MRPS28: variants seen among roughly 807,000 people sequenced by gnomAD.
MRPS28 encodes small ribosomal subunit protein bS1m.
MRPS28 carries 7 observed loss-of-function variants against 10.8 expected under a neutral mutation model. The observed-to-expected ratio is 0.65, with a 90% CI of 0.37 to 1.22. MRPS28 has a LOEUF of 1.22. Among genes scored for constraint, MRPS28 ranks in the 50% most tolerant of loss-of-function variants. MRPS28 has a pLI of 0.02. For synonymous variants in MRPS28, 121 were observed against 93.3 expected (o/e 1.30, Z -1.71); for missense variants, 265 against 232.9 (o/e 1.14, Z -0.90).
intron 2 of MRPS28, among the ~76,000 whole-genome samples, chr8:79,936,964 G>A (rs1218300678): frequency 3.3e-5 from 5 of 152,048 alleles, no homozygotes; most frequent in African/African-American, 7.2e-5. Flanking sequence ...GGGTTCAAGC[G>A]ATTCTCCCAC....
At chr8:79,969,058 T>C (rs560610782) in intron 2 of MRPS28, among the ~76,000 whole-genome samples, 4 of 152,334 alleles carry the variant, frequency 2.6e-5, no homozygotes, top group South Asian at 4.1e-4. Context: ...CCCTAGCAAA[T>C]GATCCTTAAA....
chr8:80,021,556 G>A (rs1305991647), intron 1 of MRPS28, among the ~76,000 whole-genome samples: 2 of 152,212 alleles, frequency 1.3e-5, no homozygotes, highest in Non-Finnish European at 2.9e-5. Context: ...AAGGTTTCTA[G>A]TAAGACAGAA....
chr8:79,977,944 T>C (rs1378630458), intron 2 of MRPS28, among the ~76,000 whole-genome samples: 1 of 152,128 alleles, frequency 6.6e-6, no homozygotes, highest in Admixed American at 6.5e-5. Flanking sequence ...TTTTCCTATT[T>C]CCCTTTTTCT....
At chr8:80,022,121 A>G (rs1327678702) in intron 1 of MRPS28, among the ~76,000 whole-genome samples, 1 of 152,146 alleles carries the variant, frequency 6.6e-6, no homozygotes, top group African/African-American at 2.4e-5. Context: ...ACTCCTAGTA[A>G]GCACTGACCT....
chr8:79,941,902 TTTATG>T (rs1464560070), intron 2 of MRPS28, among the ~76,000 whole-genome samples: 1 of 152,212 alleles, frequency 6.6e-6, no homozygotes, highest in Non-Finnish European at 1.5e-5. Flanking sequence ...AAAATGGTTT[TTTATG>T]TTCATGCTCA....
chr8:79,930,980 T>C (rs1806446777), intron 2 of MRPS28, among the ~76,000 whole-genome samples: 1 of 152,200 alleles, frequency 6.6e-6, no homozygotes, highest in Non-Finnish European at 1.5e-5. Flanking sequence ...GGAAATAGGA[T>C]GTTGAGGCAA....
At chr8:79,935,186 A>G (rs1387427115) in intron 2 of MRPS28, among the ~76,000 whole-genome samples, 1 of 152,202 alleles carries the variant, frequency 6.6e-6, no homozygotes, top group African/African-American at 2.4e-5. Flanking sequence ...CCATCACTGC[A>G]GCAATTCCCA....
chr8:79,940,311 T>C (rs952823636), intron 2 of MRPS28, among the ~76,000 whole-genome samples: 1 of 152,264 alleles, frequency 6.6e-6, no homozygotes, highest in Non-Finnish European at 1.5e-5. Flanking sequence ...TGAGGCATTA[T>C]TGTACATATC....
chr8:79,942,667 T>C (rs1023650906), intron 2 of MRPS28, among the ~76,000 whole-genome samples: 2 of 152,230 alleles, frequency 1.3e-5, no homozygotes, highest in Non-Finnish European at 2.9e-5. Flanking sequence ...TTTCATTGAC[T>C]TGATCACAGC....
intron 2 of MRPS28, among the ~76,000 whole-genome samples, chr8:79,942,145 T>TA (rs977876533): frequency 1.3e-5 from 2 of 151,880 alleles, no homozygotes; most frequent in African/African-American, 4.8e-5. Flanking sequence ...AACTGCAGGG[T>TA]AAAAAAAGAA....
chr8:79,976,373 G>A (rs578262159), intron 2 of MRPS28, among the ~76,000 whole-genome samples: 15 of 152,226 alleles, frequency 9.9e-5, no homozygotes, highest in Non-Finnish European at 1.9e-4. Flanking sequence ...GTGAGCCACC[G>A]CACCCGGCCT....
intron 2 of MRPS28, among the ~76,000 whole-genome samples, chr8:79,935,597 A>C (rs1483120981): frequency 1.3e-5 from 2 of 152,210 alleles, no homozygotes; most frequent in Non-Finnish European, 2.9e-5. Flanking sequence ...TTAAAGATGA[A>C]GACTCCTAAA....
intron 2 of MRPS28, among the ~76,000 whole-genome samples, chr8:79,955,989 G>A (rs933561438): frequency 1.3e-5 from 2 of 152,162 alleles, no homozygotes; most frequent in African/African-American, 4.8e-5. Flanking sequence ...CTGTTGGAAT[G>A]GGACCCAAGA....
chr8:79,997,477 G>A (rs1808531013), intron 2 of MRPS28, among the ~76,000 whole-genome samples: 1 of 152,084 alleles, frequency 6.6e-6, no homozygotes, highest in Non-Finnish European at 1.5e-5. Context: ...AGAACAGAAA[G>A]ACAATTGGAA....
chr8:80,010,276 G>T lies in MRPS28; in HGVS notation c.214-7096C>A, dbSNP rs546395252. 2.0e-5 allele frequency among the ~76,000 whole-genome samples: 3 copies of T among 152,324 alleles called. No individual in the cohort carries two copies. In the South Asian group the frequency reaches 6.2e-4, roughly 32 times the overall value. On this transcript the variant is annotated intron_variant, in intron 1 of 2. Coordinates refer to ENST00000276585, the MANE Select transcript of MRPS28 (RefSeq NM_014018.3). ...TTTCTATCTGTGAGAGCAAATCATG[G>T]AAGGACATTAACAATTTGATCTGAC...
At chr8:80,026,069 C>A (rs1225509523) in intron 1 of MRPS28, among the ~76,000 whole-genome samples, 1 of 152,138 alleles carries the variant, frequency 6.6e-6, no homozygotes, top group Non-Finnish European at 1.5e-5. Flanking sequence ...TGTAAATTTT[C>A]TTTCTAAAGT....
At chr8:79,963,381 ATT>A (rs1339970821) in intron 2 of MRPS28, among the ~76,000 whole-genome samples, 1 of 152,012 alleles carries the variant, frequency 6.6e-6, no homozygotes, top group African/African-American at 2.4e-5. Flanking sequence ...AAAACCACGT[ATT>A]TTTTTCCATG....
intron 1 of MRPS28, among the ~76,000 whole-genome samples, chr8:80,028,417 C>A (rs1224602843): frequency 6.6e-6 from 1 of 151,894 alleles, no homozygotes; most frequent in African/African-American, 2.4e-5. Context: ...GGTCAATCAT[C>A]GCTATTCTGC....
chr8:80,027,245 G>C (rs1428481356), intron 1 of MRPS28, among the ~76,000 whole-genome samples: 1 of 152,232 alleles, frequency 6.6e-6, no homozygotes, highest in East Asian at 1.9e-4. Context: ...CTCTGTACCA[G>C]TCAATGTACT....
Sources: allele counts gnomAD v4.1 joint callset (sites outside exome capture counted in the v4.1 genomes callset), GRCh38; gene constraint gnomAD v4.1.1; transcripts MANE v1.5; gene names NCBI Gene and HGNC (gene_info 2026-07-23, HGNC 2026-07-21).